Variants in SYT16 observed in about 807,000 individuals in gnomAD.
SYT16 encodes synaptotagmin-16.
A neutral mutation model predicts 61.4 loss-of-function variants in SYT16; 42 were observed. The observed-to-expected ratio is 0.68, with a 90% confidence interval of 0.53 to 0.89. SYT16 has a LOEUF of 0.89. Among genes scored for constraint, SYT16 ranks in the 40% least tolerant of loss-of-function variants. The probability of loss-of-function intolerance (pLI) is 0.00; values close to 1 mark genes in which losing one functional copy is unlikely to be tolerated. For synonymous variants in SYT16, 314 were observed against 302.3 expected, an observed-to-expected ratio of 1.04 and a Z score of -0.40; for missense variants, 804 against 807.3, an observed-to-expected ratio of 1.00 and a Z score of 0.05.
chr14:62,075,046 G>T, intron 4 of SYT16, 89 bp from the exon 5 acceptor site: 2 of 1,407,414 alleles, frequency 1.4e-6, no homozygotes, highest in Admixed American at 2.2e-5. Context: ...CTGCAATCTT[G>T]ATTGTTGTGA....
chr14:61,984,841 A>G (rs1417625127), intron 2 of SYT16, among the ~76,000 whole-genome samples: 1 of 152,184 alleles, frequency 6.6e-6, no homozygotes, highest in Non-Finnish European at 1.5e-5. Context: ...TGGCTCCACT[A>G]TCATGCCTAG....
intron 1 of SYT16, among the ~76,000 whole-genome samples, chr14:61,898,134 A>G (rs537510270): frequency 5.3e-5 from 8 of 152,302 alleles, no homozygotes; most frequent in East Asian, 3.9e-4. Flanking sequence ...AAATGTGCCA[A>G]TTCTTAGCTT....
chr14:62,081,183 T>G lies in SYT16; in HGVS notation c.1343T>G (p.Met448Arg). 6.2e-7 allele frequency: 1 copy of G among 1,613,882 alleles called. No homozygotes were observed. Among genetic ancestry groups the G allele is most frequent in the Non-Finnish European group, 8.5e-7 (1 of 1,179,860 alleles). ...GCCCGGAAGATGACCCGAGAGAGAA[T>G]GATGGGAGAGAAACTATTCTATCTC... is the stretch of plus-strand genomic sequence containing the variant. ...YAARKMTRER[M>R]MGEKLFYLSH... The change falls in exon 6 of 8, where the codon ATG (methionine) becomes AGG (arginine). Residue 448 changes from methionine (M) to arginine (R), a missense_variant. Met to Arg is a moderately conservative substitution (Grantham distance 91). Coordinates refer to ENST00000683842, the MANE Select transcript of SYT16 (RefSeq NM_001367656.1).
chr14:61,910,540 T>G (rs538434634), intron 1 of SYT16, among the ~76,000 whole-genome samples: 6 of 151,490 alleles, frequency 4.0e-5, no homozygotes, highest in African/African-American at 1.5e-4. Context: ...GTTTTTTTTT[T>G]TTTTTTTTGA....
chr14:61,849,389 T>C (rs2140268069), intron 1 of SYT16, among the ~76,000 whole-genome samples: 1 of 152,256 alleles, frequency 6.6e-6, no homozygotes, highest in Non-Finnish European at 1.5e-5. Context: ...GCATTAGGAT[T>C]TGCTTAGGAG....
chr14:62,066,491 C>A (rs535263115), intron 3 of SYT16, among the ~76,000 whole-genome samples: 2 of 152,190 alleles, frequency 1.3e-5, no homozygotes, highest in African/African-American at 2.4e-5. Flanking sequence ...TGCTAGTCTT[C>A]CAAAGAACCT....
chr14:62,068,019 A>G (rs1168433745), intron 3 of SYT16, among the ~76,000 whole-genome samples: 3 of 152,020 alleles, frequency 2.0e-5, no homozygotes, highest in Non-Finnish European at 4.4e-5. Flanking sequence ...ATATACTACT[A>G]TATGATCCAC....
chr14:62,092,226 ACT>A (rs1212168844), intron 7 of SYT16, among the ~76,000 whole-genome samples: 4 of 138,518 alleles, frequency 2.9e-5, no homozygotes, highest in South Asian at 4.6e-4. Context: ...ACACACACAC[ACT>A]AACAAGTGTT....
chr14:62,100,645 G>A lies in SYT16; in HGVS notation c.1876G>A (p.Glu626Lys). ...SSGEEEQDHW[E>K]EMKETKGQQI... The stretch of plus-strand genomic sequence containing the variant: ...TGGAGAGGAGGAACAAGATCACTGG[G>A]AGGAGATGAAGGAAACCAAAGGCCA... The change falls in exon 8 of 8, where the codon GAG becomes AAG. Residue 626 changes from glutamate to lysine, a missense_variant. Coordinates refer to ENST00000683842, the MANE Select transcript of SYT16 (RefSeq NM_001367656.1). The A allele has an allele frequency of 1.2e-6, 2 of 1,613,876 alleles. No homozygotes were observed. Among genetic ancestry groups the A allele is most frequent in the East Asian group, 2.2e-5 (1 of 44,888 alleles).
At chr14:61,975,386 A>G (rs1021569734) in intron 2 of SYT16, among the ~76,000 whole-genome samples, 3 of 152,132 alleles carry the variant, frequency 2.0e-5, no homozygotes, top group African/African-American at 7.2e-5. Flanking sequence ...GTGTCAGTCC[A>G]TTTTCATACT....
intron 1 of SYT16, among the ~76,000 whole-genome samples, chr14:61,876,179 C>T (rs144129221): frequency 2.2e-4 from 33 of 152,250 alleles, no homozygotes; most frequent in African/African-American, 5.1e-4. Context: ...ATGGAAAAAT[C>T]GGATTCATTT....
chr14:61,865,811 T>A (rs1034276418), intron 1 of SYT16, among the ~76,000 whole-genome samples: 4 of 152,202 alleles, frequency 2.6e-5, no homozygotes, highest in Admixed American at 1.3e-4. Context: ...TGACAGGATT[T>A]TGTATTTAAG....
At chr14:61,985,298 C>T (rs1024747928) in intron 2 of SYT16, among the ~76,000 whole-genome samples, 2 of 152,086 alleles carry the variant, frequency 1.3e-5, no homozygotes, top group Non-Finnish European at 2.9e-5. Context: ...GTTGTTAGCA[C>T]TGATTTAGAT....
At chr14:61,941,824 G>A (rs2050222127) in intron 1 of SYT16, among the ~76,000 whole-genome samples, 1 of 152,174 alleles carries the variant, frequency 6.6e-6, no homozygotes, top group Non-Finnish European at 1.5e-5. Context: ...TCAATTTTCA[G>A]TTTGTGAACA....
At chr14:61,891,809 C>A (rs115279648) in intron 1 of SYT16, among the ~76,000 whole-genome samples, 392 of 152,206 alleles carry the variant, frequency 2.6e-3, no homozygotes, top group African/African-American at 9.1e-3. Context: ...GTTGAAAGTT[C>A]TTATTTTGGT....
rs2140525271 is a variant in SYT16, at chr14:61,970,193, C to T, written c.-263C>T. 1 of 152,266 alleles carries T rather than the reference C, an allele frequency of 6.6e-6. No homozygotes were observed. The highest frequency in any genetic ancestry group is 2.1e-4 in the South Asian group (1 of 4,818). The allele number at this position is 152,266 out of a possible 1,614,324, so 9.4% of individuals were successfully genotyped here. The stretch of plus-strand genomic sequence containing the variant: ...GGGTCTTTATTGTTCTTCTGGCCGT[C>T]CTCTTCCTCTTCATCAACAAGAAGC... On this transcript the variant is annotated 5_prime_UTR_variant, in exon 2 of 8. Coordinates refer to ENST00000683842, the MANE Select transcript of SYT16 (RefSeq NM_001367656.1).
At chr14:61,903,711 A>C (rs867257967) in intron 1 of SYT16, among the ~76,000 whole-genome samples, 156 of 152,294 alleles carry the variant, frequency 1.0e-3, no homozygotes, top group African/African-American at 3.4e-3. Flanking sequence ...AGATTATAGG[A>C]AGTAGATTAT....
chr14:62,089,707 G>T (rs1566839561), intron 7 of SYT16, among the ~76,000 whole-genome samples: 1 of 152,126 alleles, frequency 6.6e-6, no homozygotes, highest in Non-Finnish European at 1.5e-5. Flanking sequence ...TACTACACGT[G>T]GTCAGTGTTC....
chr14:61,877,138 C>T (rs911451521), intron 1 of SYT16, among the ~76,000 whole-genome samples: 21 of 152,082 alleles, frequency 1.4e-4, no homozygotes, highest in Middle Eastern at 3.2e-3. Context: ...GGGAGATGAT[C>T]GGTTTTCTTC....
Sources: allele counts gnomAD v4.1 joint callset (sites outside exome capture counted in the v4.1 genomes callset), GRCh38; gene constraint gnomAD v4.1.1; transcripts MANE v1.5; gene names NCBI Gene and HGNC (gene_info 2026-07-23, HGNC 2026-07-21).